The following EYS variants were observed in gnomAD, a reference collection of about 807,000 sequenced individuals.
The protein encoded by EYS is protein eyes shut homolog.
A neutral mutation model predicts 282.1 loss-of-function variants in EYS; 250 were observed. The observed-to-expected ratio is 0.89, with a 90% confidence interval of 0.80 to 0.98. EYS has a LOEUF of 0.98. EYS is among the 50% of genes least tolerant of loss of function. The pLI is 0.00. For missense variants in EYS, 4,016 were observed against 3,709.0 expected, an observed-to-expected ratio of 1.08 and a Z score of -2.15; for synonymous variants, 1,355 against 1,282.9, an observed-to-expected ratio of 1.06 and a Z score of -1.20.
At chr6:65,096,045 AC>A (rs1407772215) in intron 12 of EYS, among the ~76,000 whole-genome samples, 2 of 150,956 alleles carry the variant, frequency 1.3e-5, no homozygotes, top group African/African-American at 2.4e-5. Context: ...TATGTAGAAA[AC>A]CCTAATGATC....
chr6:63,933,935 C>T (rs961505220), intron 35 of EYS, among the ~76,000 whole-genome samples: 29 of 152,134 alleles, frequency 1.9e-4, no homozygotes, highest in Non-Finnish European at 3.1e-4. Flanking sequence ...CTTCTGCACA[C>T]CAAAAGAAAC....
intron 31 of EYS, among the ~76,000 whole-genome samples, chr6:64,216,381 T>A (rs1386304918): frequency 2.6e-5 from 4 of 152,200 alleles, no homozygotes; most frequent in Non-Finnish European, 4.4e-5. Flanking sequence ...ATCCTTTGTT[T>A]CTCAGAAGTT....
At chr6:64,642,331 A>C (rs1246377535) in intron 22 of EYS, among the ~76,000 whole-genome samples, 2 of 152,222 alleles carry the variant, frequency 1.3e-5, no homozygotes, top group Non-Finnish European at 2.9e-5. Flanking sequence ...AGTTTTCAGA[A>C]CACATAGAAA....
At chr6:64,843,545 T>G (rs1356078683) in intron 19 of EYS, among the ~76,000 whole-genome samples, 15 of 152,212 alleles carry the variant, frequency 9.9e-5, no homozygotes, top group African/African-American at 3.6e-4. Context: ...CCGCTGGATT[T>G]TGGACATGCA....
Position 63,947,105 on chromosome 6 carries a change from G to T in EYS, c.7055+37278C>A, listed in dbSNP as rs1279851012. Among the ~76,000 whole-genome samples, 4 of 152,086 alleles carry T rather than the reference G, an allele frequency of 2.6e-5. 1 individual carries two copies. The South Asian group carries it at 8.3e-4, about 32-fold the overall frequency. ...CTTATTTTGTAAAGTGAGGGTGATGGTGGTTAACAACATACTTTTTAAGAA... is the reference window on the plus strand; with the variant it reads ...CTTATTTTGTAAAGTGAGGGTGATGTTGGTTAACAACATACTTTTTAAGAA... On this transcript the variant is annotated intron_variant, in intron 35 of 42. Transcript: ENST00000503581.
intron 12 of EYS, among the ~76,000 whole-genome samples, chr6:65,288,853 A>G (rs1178812266): frequency 6.6e-6 from 1 of 151,228 alleles, no homozygotes; most frequent in Non-Finnish European, 1.5e-5. Context: ...ACGTGTAACA[A>G]GTACCAATTT....
intron 31 of EYS, among the ~76,000 whole-genome samples, chr6:64,153,951 T>C (rs1447808030): frequency 6.6e-6 from 1 of 152,164 alleles, no homozygotes; most frequent in Non-Finnish European, 1.5e-5. Flanking sequence ...AATGAATACA[T>C]TTAAAAAATA....
At chr6:65,290,526 C>A (rs1768495531) in intron 12 of EYS, among the ~76,000 whole-genome samples, 1 of 151,156 alleles carries the variant, frequency 6.6e-6, no homozygotes, top group Admixed American at 6.6e-5. Flanking sequence ...CAGTAATATA[C>A]ATTAGCAAAT....
At chr6:64,177,985 A>C (rs370246300) in intron 31 of EYS, among the ~76,000 whole-genome samples, 2 of 152,106 alleles carry the variant, frequency 1.3e-5, no homozygotes, top group African/African-American at 4.8e-5. Context: ...TGGTTAATTG[A>C]AGTAGCAGAA....
At chr6:64,287,104 T>C (rs1004891460) in intron 30 of EYS, among the ~76,000 whole-genome samples, 1 of 152,166 alleles carries the variant, frequency 6.6e-6, no homozygotes, top group African/African-American at 2.4e-5. Context: ...AGCTCAATTG[T>C]TCATTAGAAG....
At chr6:64,877,728 G>A (rs1440997177) in intron 19 of EYS, among the ~76,000 whole-genome samples, 1 of 152,136 alleles carries the variant, frequency 6.6e-6, no homozygotes, top group East Asian at 1.9e-4. Context: ...AGAATAGGTA[G>A]TGAGGAAATG....
At chr6:64,498,396 T>C (rs929561101) in intron 26 of EYS, among the ~76,000 whole-genome samples, 2 of 152,164 alleles carry the variant, frequency 1.3e-5, no homozygotes, top group Non-Finnish European at 2.9e-5. Context: ...GATTCCTTCA[T>C]GCCAAATAGT....
rs535505093 is a variant in EYS, at chr6:64,085,568, C to T, written c.6425-3566G>A. Among the ~76,000 whole-genome samples, 334 of 152,282 alleles carry T rather than the reference C, an allele frequency of 2.2e-3. 1 individual carries two copies. Among genetic ancestry groups the T allele is most frequent in the African/African-American group, 7.6e-3 (316 of 41,566 alleles). On this transcript the variant is annotated intron_variant, in intron 31 of 42. Transcript: ENST00000503581. ...CTCTTAAAATCTTCTGGTCCAAATA[C>T]ATACCCTTTTTAAATCAAGAATACT...
chr6:64,449,920 C>A (rs1019217657), intron 26 of EYS, among the ~76,000 whole-genome samples: 4 of 152,186 alleles, frequency 2.6e-5, no homozygotes, highest in Non-Finnish European at 4.4e-5. Context: ...TTGTAAAGAC[C>A]GTCAAGGCTA....
intron 12 of EYS, among the ~76,000 whole-genome samples, chr6:65,218,503 A>G (rs1467380859): frequency 6.6e-6 from 1 of 152,126 alleles, no homozygotes; most frequent in Non-Finnish European, 1.5e-5. Flanking sequence ...TAGAGATGAC[A>G]ATGTACCAGT....
intron 30 of EYS, among the ~76,000 whole-genome samples, chr6:64,297,890 A>G (rs1426267905): frequency 6.6e-6 from 1 of 151,700 alleles, no homozygotes; most frequent in African/African-American, 2.4e-5. Context: ...AGGCAGTGGA[A>G]TCACTTGAAC....
At chr6:64,122,302 T>C (rs1313022938) in intron 31 of EYS, among the ~76,000 whole-genome samples, 2 of 152,176 alleles carry the variant, frequency 1.3e-5, no homozygotes, top group Non-Finnish European at 2.9e-5. Flanking sequence ...TAGCATAGCA[T>C]GAAATCTTCC....
intron 41 of EYS, among the ~76,000 whole-genome samples, chr6:63,760,084 A>G (rs1270968574): frequency 2.0e-5 from 3 of 152,102 alleles, no homozygotes; most frequent in Non-Finnish European, 2.9e-5. Context: ...ATGAATGGAA[A>G]AAATGTGAAA....
intron 33 of EYS, among the ~76,000 whole-genome samples, chr6:64,002,203 C>G (rs1768129001): frequency 6.6e-6 from 1 of 152,160 alleles, no homozygotes; most frequent in Admixed American, 6.5e-5. Flanking sequence ...GAGTCCAGCC[C>G]CTGGGTGGCC....
Sources: allele counts gnomAD v4.1 joint callset (sites outside exome capture counted in the v4.1 genomes callset), GRCh38; gene constraint gnomAD v4.1.1; transcripts MANE v1.5; gene names NCBI Gene and HGNC (gene_info 2026-07-23, HGNC 2026-07-21).